TSGA10: variants seen among roughly 807,000 people sequenced by gnomAD.
TSGA10 encodes the protein testis specific 10.
In TSGA10, 43 loss-of-function variants were observed where a neutral mutation model predicts 96.6. The ratio of observed to expected loss-of-function variants is 0.44; its 90% CI spans 0.35 to 0.57. The LOEUF is 0.57. TSGA10 is among the 20% of genes least tolerant of loss of function. The pLI is 0.01. For missense variants in TSGA10, 703 were observed against 834.4 expected (o/e 0.84, Z 1.94); for synonymous variants, 229 against 269.9 (o/e 0.85, Z 1.48).
rs188211106 is a variant in TSGA10 at position 99,047,385 on chromosome 2, C to T, written c.1405-11946G>A. ...AGAAAGCTTATCCACCATGATCAAG[C>T]GGGCTTCATCCCTGGGATGCAAGGC... On this transcript the variant is annotated intron_variant, in intron 16 of 20. Coordinates refer to ENST00000393483, the MANE Select transcript of TSGA10 (RefSeq NM_025244.4). Among the ~76,000 whole-genome samples the T allele has an allele frequency of 1.7e-3, 262 of 152,156 alleles. 1 individual carries two copies. Among genetic ancestry groups the T allele is most frequent in the East Asian group, 3.1e-3 (16 of 5,170 alleles).
intron 6 of TSGA10, 105 bp from the exon 7 acceptor site, chr2:99,109,096 T>A: frequency 1.1e-6 from 1 of 911,666 alleles, no homozygotes; most frequent in Non-Finnish European, 1.6e-6. Context: ...TAAGACTATA[T>A]AATGAAAGGA....
At chr2:99,142,929 G>A (rs1559149863) in intron 1 of TSGA10, among the ~76,000 whole-genome samples, 1 of 152,074 alleles carries the variant, frequency 6.6e-6, no homozygotes, top group Non-Finnish European at 1.5e-5. Context: ...AAGCACTTAT[G>A]TATGCCACCT....
chr2:99,044,858 A>G (rs2082583612), intron 16 of TSGA10, among the ~76,000 whole-genome samples: 1 of 152,228 alleles, frequency 6.6e-6, no homozygotes, highest in Non-Finnish European at 1.5e-5. Flanking sequence ...ATCAAATTAG[A>G]ACTCAGGATT....
At chr2:99,154,291 C>T (rs1161318271) in intron 1 of TSGA10, 2 of 152,204 alleles carry the variant, frequency 1.3e-5, no homozygotes, top group Non-Finnish European at 2.9e-5. Context: ...AAACTATTAC[C>T]TTGCTACCTT....
chr2:99,032,357 G>A (rs1433429062), intron 17 of TSGA10, among the ~76,000 whole-genome samples: 1 of 152,132 alleles, frequency 6.6e-6, no homozygotes, highest in Non-Finnish European at 1.5e-5. Context: ...TCAACAAAAG[G>A]AACGCTGCAT....
chr2:99,081,276 A>C lies in TSGA10; in HGVS notation c.727+6T>G. 6.7e-7 allele frequency: 1 copy of C among 1,495,370 alleles called. No individual in the cohort carries two copies. The highest frequency in any genetic ancestry group is 9.1e-7 in the Non-Finnish European group (1 of 1,102,386). The allele number at this position is 1,495,370 out of a possible 1,614,324, so 92.6% of individuals were successfully genotyped here. ...CTAAAAGTAATATTAAGAGAAAAAA[A>C]CTCACCAATTTTTTCATCCAAGCAC... On this transcript the variant is annotated splice_donor_region_variant and intron_variant, in intron 11 of 20. Transcript: ENST00000393483.
chr2:99,101,244 CAAAAAAAAAAAAAAAAA>C (rs869263270), intron 10 of TSGA10, among the ~76,000 whole-genome samples: 1 of 24,348 alleles, frequency 4.1e-5, no homozygotes, highest in African/African-American at 2.1e-4. Context: ...GACTCTGTCT[CAAAAAAAAAAAAAAAAA>C]AAAAAAAAAA....
intron 20 of TSGA10, among the ~76,000 whole-genome samples, chr2:99,004,812 T>A (rs2104816294): frequency 6.6e-6 from 1 of 152,322 alleles, no homozygotes; most frequent in East Asian, 1.9e-4. Context: ...ATCATCCTGA[T>A]ACCAAAGGCT....
chr2:99,139,310 T>C (rs1350687094), intron 1 of TSGA10, among the ~76,000 whole-genome samples: 2 of 152,106 alleles, frequency 1.3e-5, no homozygotes, highest in South Asian at 4.1e-4. Flanking sequence ...TCTGTCTGGT[T>C]GAATTTTAAT....
chr2:99,050,693 T>C (rs1213264665), intron 16 of TSGA10, among the ~76,000 whole-genome samples: 1 of 152,106 alleles, frequency 6.6e-6, no homozygotes, highest in Non-Finnish European at 1.5e-5. Context: ...AATTTTTTAA[T>C]GTTTTATTAG....
At chr2:99,111,712 TTAGAAA>T (rs1299036779) in intron 4 of TSGA10, among the ~76,000 whole-genome samples, 10 of 152,260 alleles carry the variant, frequency 6.6e-5, no homozygotes, top group African/African-American at 1.9e-4. Context: ...AGTGAAGTAC[TTAGAAA>T]TAGAACATAA....
At position 99,074,000 on chromosome 2, in the gene TSGA10, C is replaced by CTTTTTTTTTTTTTTTTTTTTTTTTTTT. The variant is rs1167854716; in HGVS notation, c.883-954_883-928dup. On this transcript the variant is annotated intron_variant, in intron 12 of 20. Coordinates refer to ENST00000393483, the MANE Select transcript of TSGA10 (RefSeq NM_025244.4). ...AACCAATTCTGTTCCTGTTTCTTTT[C>CTTTTTTTTTTTTTTTTTTTTTTTTTTT]TTTTTTTTTTTTTTTTTTTTTTTTT... 2.3e-4 allele frequency among the ~76,000 whole-genome samples: 12 copies of CTTTTTTTTTTTTTTTTTTTTTTTTTTT among 52,634 alleles called. 4 individuals are homozygous for CTTTTTTTTTTTTTTTTTTTTTTTTTTT. The highest frequency in any genetic ancestry group is 5.2e-4 in the Admixed American group (2 of 3,878). 34.5% of individuals were successfully genotyped at this position (52,634 alleles called of 152,430 possible).
chr2:99,016,724 A>C (rs916303130), intron 20 of TSGA10, among the ~76,000 whole-genome samples: 1 of 152,242 alleles, frequency 6.6e-6, no homozygotes, highest in African/African-American at 2.4e-5. Flanking sequence ...AGAGTGGGAG[A>C]AAATCTTCCC....
intron 1 of TSGA10, among the ~76,000 whole-genome samples, chr2:99,149,169 C>CAAA (rs35343264): frequency 2.4e-5 from 3 of 123,252 alleles, no homozygotes; most frequent in African/African-American, 3.3e-5. Context: ...AACTCCATCT[C>CAAA]AAAAAAAAAA....
At chr2:99,014,440 A>T (rs192925151) in intron 20 of TSGA10, among the ~76,000 whole-genome samples, 1 of 152,324 alleles carries the variant, frequency 6.6e-6, no homozygotes, top group African/African-American at 2.4e-5. Flanking sequence ...CTTTGAACTG[A>T]GAGGTAATAG....
intron 12 of TSGA10, among the ~76,000 whole-genome samples, chr2:99,078,099 G>A (rs1196187909): frequency 6.6e-6 from 1 of 150,988 alleles, no homozygotes; most frequent in African/African-American, 2.4e-5. Flanking sequence ...GTGAAACCCT[G>A]CCTCTACTAA....
At chr2:99,099,399 C>T (rs1008588503) in intron 10 of TSGA10, among the ~76,000 whole-genome samples, 5 of 152,102 alleles carry the variant, frequency 3.3e-5, no homozygotes, top group Non-Finnish European at 4.4e-5. Flanking sequence ...ATATACAAAA[C>T]AAAGTATTAG....
intron 4 of TSGA10, among the ~76,000 whole-genome samples, chr2:99,116,756 T>C (rs1009623082): frequency 6.6e-6 from 1 of 152,232 alleles, no homozygotes; most frequent in Non-Finnish European, 1.5e-5. Flanking sequence ...GACTTTTTAT[T>C]GATACATAAT....
intron 16 of TSGA10, among the ~76,000 whole-genome samples, chr2:99,054,952 G>T (rs1558864396): frequency 6.6e-6 from 1 of 152,148 alleles, no homozygotes; most frequent in Non-Finnish European, 1.5e-5. Flanking sequence ...CAGTATAAAA[G>T]TGTCTTTAAA....
Sources: gnomAD v4.1 joint callset for allele counts (sites outside exome capture counted in the v4.1 genomes callset) on GRCh38, gnomAD v4.1.1 for gene constraint, MANE v1.5 for transcripts, NCBI Gene and HGNC (gene_info 2026-07-23, HGNC 2026-07-21) for gene names.